The following LRRTM4 variants were observed in gnomAD, a reference collection of about 807,000 sequenced individuals.
LRRTM4 encodes the protein leucine rich repeat transmembrane neuronal 4.
In LRRTM4, 25 loss-of-function variants were observed where a neutral mutation model predicts 47.6. The ratio of observed to expected loss-of-function variants is 0.53; its 90% confidence interval spans 0.38 to 0.73. The LOEUF (loss-of-function observed/expected upper bound fraction) is 0.73. LRRTM4 is among the 30% of genes least tolerant of loss of function. LRRTM4 has a pLI of 0.00. For synonymous variants in LRRTM4, 311 were observed against 269.5 expected (o/e 1.15, Z -1.51); for missense variants, 638 against 713.4 (o/e 0.89, Z 1.20).
chr2:77,037,464 G>A (rs974366910), intron 3 of LRRTM4, among the ~76,000 whole-genome samples: 3 of 151,612 alleles, frequency 2.0e-5, no homozygotes, highest in Non-Finnish European at 3.0e-5. Flanking sequence ...GCATTATACA[G>A]CTCCTACATG....
chr2:76,894,890 T>C (rs1673362904), intron 3 of LRRTM4, among the ~76,000 whole-genome samples: 1 of 151,730 alleles, frequency 6.6e-6, no homozygotes, highest in Non-Finnish European at 1.5e-5. Context: ...TATAGTCTCA[T>C]ATCTGCACAT....
At chr2:77,179,280 T>C (rs1396266880) in intron 3 of LRRTM4, among the ~76,000 whole-genome samples, 1 of 152,168 alleles carries the variant, frequency 6.6e-6, no homozygotes, top group Non-Finnish European at 1.5e-5. Flanking sequence ...TGAAATATGA[T>C]GGTAGCAGCT....
chr2:77,489,012 AAT>A (rs1272416901), intron 3 of LRRTM4, among the ~76,000 whole-genome samples: 5 of 151,908 alleles, frequency 3.3e-5, no homozygotes, highest in Admixed American at 6.6e-5. Context: ...TAATAAAAAA[AAT>A]AAGAGACTAC....
At chr2:76,903,282 A>C (rs1161660197) in intron 3 of LRRTM4, among the ~76,000 whole-genome samples, 1 of 152,192 alleles carries the variant, frequency 6.6e-6, no homozygotes, top group Non-Finnish European at 1.5e-5. Flanking sequence ...GACACCTGTA[A>C]TCCCAGCACT....
At chr2:76,808,164 G>T (rs190516122) in intron 3 of LRRTM4, among the ~76,000 whole-genome samples, 1 of 151,664 alleles carries the variant, frequency 6.6e-6, no homozygotes, top group East Asian at 2.0e-4. Flanking sequence ...GGGATTACAG[G>T]CGCCCGCCAC....
At chr2:77,335,189 A>C (rs1441199963) in intron 3 of LRRTM4, among the ~76,000 whole-genome samples, 1 of 152,228 alleles carries the variant, frequency 6.6e-6, no homozygotes, top group East Asian at 1.9e-4. Context: ...CTTCTGGTGC[A>C]TTTATCCAGG....
intron 3 of LRRTM4, among the ~76,000 whole-genome samples, chr2:76,992,840 A>AAAAAG (rs70939839): frequency 6.8e-6 from 1 of 146,400 alleles, no homozygotes. Flanking sequence ...AAAAAAAAAA[A>AAAAAG]GCTGGGTGTA....
chr2:77,060,893 C>A (rs1373705407), intron 3 of LRRTM4, among the ~76,000 whole-genome samples: 2 of 151,996 alleles, frequency 1.3e-5, no homozygotes, highest in African/African-American at 4.8e-5. Flanking sequence ...GACTCAACCA[C>A]AATTTATATA....
At chr2:77,031,574 G>A (rs1678658148) in intron 3 of LRRTM4, among the ~76,000 whole-genome samples, 1 of 152,230 alleles carries the variant, frequency 6.6e-6, no homozygotes, top group African/African-American at 2.4e-5. Context: ...ATATATTAGA[G>A]AGTCCCAAGG....
intron 3 of LRRTM4, among the ~76,000 whole-genome samples, chr2:77,337,004 C>T (rs1671191717): frequency 6.6e-6 from 1 of 152,048 alleles, no homozygotes; most frequent in Non-Finnish European, 1.5e-5. Flanking sequence ...GACCTGAGGA[C>T]AAACAACTTC....
Position 77,084,263 on chromosome 2 carries a change from T to C in LRRTM4, c.1552-335347A>G, listed in dbSNP as rs140719159. On this transcript the variant is annotated intron_variant, in intron 3 of 3. Coordinates refer to ENST00000409884, the MANE Select transcript of LRRTM4 (RefSeq NM_001134745.3). ...TTCAAGTAGTCTTAGATTCCGACACTTGTAATATGGGATGTGATGGCTAGG... is the reference window on the plus strand; with the variant it reads ...TTCAAGTAGTCTTAGATTCCGACACCTGTAATATGGGATGTGATGGCTAGG... 5.7e-3 allele frequency among the ~76,000 whole-genome samples: 872 copies of C among 152,308 alleles called. 10 individuals carry two copies. The highest frequency in any genetic ancestry group is 0.02 in the African/African-American group (835 of 41,576).
chr2:77,301,535 C>A (rs2104164816), intron 3 of LRRTM4, among the ~76,000 whole-genome samples: 1 of 152,086 alleles, frequency 6.6e-6, no homozygotes, highest in Admixed American at 6.5e-5. Context: ...CACAAATTAC[C>A]AGAGCCATCC....
chr2:77,264,457 A>C (rs1157171563), intron 3 of LRRTM4, among the ~76,000 whole-genome samples: 1 of 152,106 alleles, frequency 6.6e-6, no homozygotes, highest in African/African-American at 2.4e-5. Context: ...ACTTCTTTAG[A>C]GATCCTATGT....
intron 3 of LRRTM4, among the ~76,000 whole-genome samples, chr2:77,276,942 G>A (rs1308139236): frequency 6.6e-6 from 1 of 151,406 alleles, no homozygotes; most frequent in African/African-American, 2.4e-5. Context: ...GGCAAGGTGT[G>A]GGTAAGTGTA....
intron 3 of LRRTM4, among the ~76,000 whole-genome samples, chr2:77,488,287 C>A (rs2104036413): frequency 6.6e-6 from 1 of 152,324 alleles, no homozygotes; most frequent in South Asian, 2.1e-4. Flanking sequence ...CTCACAGGAA[C>A]CCAGCACCCA....
chr2:77,196,571 T>A (rs1443070427), intron 3 of LRRTM4, among the ~76,000 whole-genome samples: 1 of 151,986 alleles, frequency 6.6e-6, no homozygotes, highest in African/African-American at 2.4e-5. Flanking sequence ...TGGCGAAACC[T>A]CACCTTTACT....
chr2:77,035,082 C>G (rs62170899), intron 3 of LRRTM4, among the ~76,000 whole-genome samples: 1 of 150,740 alleles, frequency 6.6e-6, no homozygotes, highest in Non-Finnish European at 1.5e-5. Context: ...TTTTATTATA[C>G]TTTAAGTTCT....
chr2:77,226,732 C>G (rs1217941420), intron 3 of LRRTM4, among the ~76,000 whole-genome samples: 2 of 150,868 alleles, frequency 1.3e-5, no homozygotes, highest in Non-Finnish European at 3.0e-5. Context: ...CAACAGACAT[C>G]CTATAAACCT....
At chr2:77,266,152 C>T (rs1314974962) in intron 3 of LRRTM4, among the ~76,000 whole-genome samples, 2 of 152,196 alleles carry the variant, frequency 1.3e-5, no homozygotes, top group African/African-American at 4.8e-5. Flanking sequence ...TCATATGGCT[C>T]ACAAAGCCTT....
Sources: allele counts gnomAD v4.1 joint callset (sites outside exome capture counted in the v4.1 genomes callset), GRCh38; gene constraint gnomAD v4.1.1; transcripts MANE v1.5; gene names NCBI Gene and HGNC (gene_info 2026-07-23, HGNC 2026-07-21).